IL1RL1: variants seen among roughly 807,000 people sequenced by gnomAD.
IL1RL1 encodes the protein interleukin-1 receptor-like 1.
In IL1RL1, 32 loss-of-function variants were observed where a neutral mutation model predicts 50.9. That is an observed-to-expected ratio of 0.63 (90% confidence interval 0.47 to 0.84). The LOEUF is 0.84. Among genes scored for constraint, IL1RL1 ranks in the 40% least tolerant of loss-of-function variants. IL1RL1 has a pLI of 0.00. For synonymous variants in IL1RL1, 275 were observed against 236.0 expected (o/e 1.17, Z -1.51); for missense variants, 773 against 662.9 (o/e 1.17, Z -1.82).
At chr2:102,327,552 C>A (rs2104971015) in intron 1 of IL1RL1, among the ~76,000 whole-genome samples, 1 of 152,146 alleles carries the variant, frequency 6.6e-6, no homozygotes, top group Non-Finnish European at 1.5e-5. Context: ...TTCAAAAAAT[C>A]AATGAATACA....
Position 102,343,311 on chromosome 2 carries a change from T to G in IL1RL1, c.866T>G (p.Ile289Arg). 2 of 1,614,210 alleles carry G rather than the reference T, an allele frequency of 1.2e-6. No individual in the cohort carries two copies. Among genetic ancestry groups the G allele is most frequent in the Non-Finnish European group, 1.7e-6 (2 of 1,180,038 alleles). ...GCTTGTCTAGACATGGTTTTAAGAA[T>G]AGCTGACGTGAAGGAAGAGGATTTA... Reference protein sequence around the residue: ...GLACLDMVLRIADVKEEDLLL... With the variant: ...GLACLDMVLRRADVKEEDLLL... The change falls in exon 8 of 11, where the codon ATA becomes AGA. Residue 289 changes from isoleucine (I) to arginine (R), a missense_variant. Coordinates refer to ENST00000233954, the MANE Select transcript of IL1RL1 (RefSeq NM_016232.5).
Position 102,352,036 on chromosome 2 carries a change from T to C in IL1RL1, c.*115T>C. The C allele has an allele frequency of 1.9e-6, 2 of 1,052,670 alleles. No homozygotes were observed. The allele number at this position is 1,052,670 out of a possible 1,614,324, so 65.2% of individuals were successfully genotyped here. On this transcript the variant is annotated 3_prime_UTR_variant, in exon 11 of 11. Coordinates refer to ENST00000233954, the MANE Select transcript of IL1RL1 (RefSeq NM_016232.5). ...CAGGAATATTAAAGGGATTCAGGCCTCAGGTTTCATCTGGTAACTTTCCTT... is the reference window on the plus strand; with the variant it reads ...CAGGAATATTAAAGGGATTCAGGCCCCAGGTTTCATCTGGTAACTTTCCTT...
At chr2:102,345,699 A>G in intron 8 of IL1RL1, 12 of 985,406 alleles carry the variant, frequency 1.2e-5, no homozygotes, top group Non-Finnish European at 1.4e-5. Flanking sequence ...AGTTTTTCAT[A>G]AAATAAACAG....
intron 1 of IL1RL1, among the ~76,000 whole-genome samples, chr2:102,327,501 G>A (rs1677044565): frequency 6.6e-6 from 1 of 152,056 alleles, no homozygotes; most frequent in African/African-American, 2.4e-5. Flanking sequence ...AAATAACTAA[G>A]ATCAGAGCAG....
intron 1 of IL1RL1, among the ~76,000 whole-genome samples, chr2:102,311,898 CAT>C (rs1676492875): frequency 5.0e-5 from 1 of 19,824 alleles, no homozygotes; most frequent in Non-Finnish European, 9.2e-5. Flanking sequence ...TATAATATAT[CAT>C]ATATGTTATA....
Position 102,338,880 on chromosome 2 carries a change from A to C in IL1RL1, c.105A>C (p.Arg35Ser). The C allele has an allele frequency of 6.2e-7, 1 of 1,613,790 alleles. No homozygotes were observed. The change falls in exon 3 of 11, where the codon AGA becomes AGC. Residue 35 changes from arginine (R) to serine (S), a missense_variant. Physicochemically the swap from Arg to Ser is moderately radical, Grantham distance 110 (BLOSUM62 -1). Transcript: ENST00000233954. The part of the protein sequence containing the change: ...WGLENEALIV[R>S]CPRQGKPSYT... ...TGGAAAATGAGGCTTTAATTGTAAG[A>C]TGTCCTAGACAAGGAAAACCTAGTT...
intron 8 of IL1RL1, chr2:102,346,232 T>C (rs1173594472): frequency 5.9e-6 from 1 of 168,366 alleles, no homozygotes; most frequent in Non-Finnish European, 1.2e-5. Flanking sequence ...ATGCTCATAA[T>C]AATAATACAC....
intron 8 of IL1RL1, chr2:102,345,316 T>C (rs1278131292): frequency 2.0e-6 from 2 of 985,334 alleles, no homozygotes; most frequent in African/African-American, 3.5e-5. Flanking sequence ...ACTTGCCAGT[T>C]TCCTCACTTG....
At chr2:102,325,866 C>T (rs1053122783) in intron 1 of IL1RL1, among the ~76,000 whole-genome samples, 2 of 152,200 alleles carry the variant, frequency 1.3e-5, no homozygotes, top group Non-Finnish European at 2.9e-5. Context: ...AAGACCAAAT[C>T]TACATCTGAT....
In IL1RL1 at chr2:102,349,232, T is replaced by G. The variant is rs1484887382; in HGVS notation, c.1271T>G (p.Met424Arg). The G allele has an allele frequency of 1.2e-6, 2 of 1,613,644 alleles. No individual in the cohort carries two copies. The highest frequency in any genetic ancestry group is 2.2e-5 in the South Asian group (2 of 91,078). The stretch of plus-strand genomic sequence containing the variant: ...ACCTTATGCATTTATGGGAGAGATA[T>G]GCTACCTGGAGAAGGTAAAGCTATT... Reference protein sequence around the residue: ...GYTLCIYGRDMLPGEDVVTAV... With the variant: ...GYTLCIYGRDRLPGEDVVTAV... Residue 424 changes from methionine to arginine, a missense_variant, in exon 10 of 11, where the codon ATG becomes AGG. Transcript: ENST00000233954.
chr2:102,349,390 C>A (rs1487679046), intron 10 of IL1RL1, 144 bp downstream of exon 10: 1 of 644,862 alleles, frequency 1.6e-6, no homozygotes, highest in East Asian at 2.7e-5. Context: ...TATCCAGAAG[C>A]AGACACTTAT....
chr2:102,316,455 A>T (rs1393733348), intron 1 of IL1RL1, among the ~76,000 whole-genome samples: 1 of 152,210 alleles, frequency 6.6e-6, no homozygotes, highest in Admixed American at 6.5e-5. Context: ...TAAGTAACAC[A>T]GTTGCTCAAG....
chr2:102,341,147 C>G, intron 5 of IL1RL1: 1 of 1,068,624 alleles, frequency 9.4e-7, no homozygotes, highest in Non-Finnish European at 1.2e-6. Context: ...GGCAATACAA[C>G]TATTTGGAGA....
intron 1 of IL1RL1, among the ~76,000 whole-genome samples, chr2:102,321,227 C>G (rs1437012476): frequency 6.6e-6 from 1 of 152,242 alleles, no homozygotes; most frequent in Non-Finnish European, 1.5e-5. Flanking sequence ...GGATCACACT[C>G]TAAGATCTTT....
chr2:102,349,164 T>C lies in IL1RL1; in HGVS notation c.1203T>C (p.Val401=). Residue 401 remains valine, a synonymous_variant, in exon 10 of 11, where the codon GTT becomes GTC. Coordinates refer to ENST00000233954, the MANE Select transcript of IL1RL1 (RefSeq NM_016232.5). The part of the protein sequence containing the change: ...TDGASRVEHF[V]HQILPDVLEN... The stretch of plus-strand genomic sequence containing the variant: ...GGGCCAGTCGTGTAGAGCACTTTGT[T>C]CACCAGATTCTGCCTGATGTTCTTG... 1 of 1,613,784 alleles carries C rather than the reference T, an allele frequency of 6.2e-7. No individual in the cohort carries two copies. Among genetic ancestry groups the C allele is most frequent in the Non-Finnish European group, 8.5e-7 (1 of 1,179,650 alleles).
chr2:102,342,085 G>A (rs1323199652), intron 5 of IL1RL1, 138 bp from the exon 6 acceptor site: 5 of 507,898 alleles, frequency 9.8e-6, no homozygotes, highest in South Asian at 2.2e-5. Context: ...GTGTGTGTGT[G>A]TGTTTGTCAT....
At chr2:102,341,735 C>T (rs180908735) in intron 5 of IL1RL1, among the ~76,000 whole-genome samples, 11 of 152,202 alleles carry the variant, frequency 7.2e-5, no homozygotes, top group South Asian at 2.1e-4. Flanking sequence ...AAGCACTGCC[C>T]GTCTTTCAGC....
Position 102,333,112 on chromosome 2 carries a change from G to C in IL1RL1, c.-149-5004G>C, listed in dbSNP as rs1435831821. Among the ~76,000 whole-genome samples the C allele has an allele frequency of 2.0e-5, 3 of 152,112 alleles. No individual in the cohort carries two copies. The East Asian group carries it at 5.8e-4, about 29-fold the overall frequency. ...TGTAAAGACGTTGGCTTTTCCTCTGGGTGAGGTGGAAGACTTTGGAGGCCC... is the reference window on the plus strand; with the variant it reads ...TGTAAAGACGTTGGCTTTTCCTCTGCGTGAGGTGGAAGACTTTGGAGGCCC... On this transcript the variant is annotated intron_variant, in intron 1 of 10. Transcript: ENST00000233954.
chr2:102,342,136 A>G (rs753250024), intron 5 of IL1RL1, 87 bp from the exon 6 acceptor site: 6 of 901,972 alleles, frequency 6.7e-6, no homozygotes, highest in Non-Finnish European at 1.1e-5. Context: ...CATTGCTATG[A>G]AATAGAATAG....
Sources: allele counts gnomAD v4.1 joint callset (sites outside exome capture counted in the v4.1 genomes callset), GRCh38; gene constraint gnomAD v4.1.1; transcripts MANE v1.5; gene names NCBI Gene and HGNC (gene_info 2026-07-23, HGNC 2026-07-21).